The following DCLK2 variants were observed in gnomAD, a reference collection of about 807,000 sequenced individuals.
DCLK2 encodes doublecortin like kinase 2, also known as serine/threonine-protein kinase DCLK2.
DCLK2 carries 31 observed loss-of-function variants against 78.4 expected under a neutral mutation model. The observed-to-expected ratio is 0.40, with a 90% confidence interval of 0.30 to 0.53. The LOEUF (loss-of-function observed/expected upper bound fraction) is 0.53. Among genes scored for constraint, DCLK2 ranks in the 20% least tolerant of loss-of-function variants. The pLI is 0.61. For synonymous variants in DCLK2, 407 were observed against 374.9 expected (o/e 1.09, Z -0.99); for missense variants, 872 against 973.7 (o/e 0.90, Z 1.39).
At chr4:150,119,586 A>G (rs186967575) in intron 2 of DCLK2, among the ~76,000 whole-genome samples, 91 of 152,272 alleles carry the variant, frequency 6.0e-4, no homozygotes, top group African/African-American at 1.1e-3. Context: ...TGAAATTCCT[A>G]TTGTGTAAAT....
chr4:150,221,947 A>G, intron 7 of DCLK2, among the ~76,000 whole-genome samples, 162 bp downstream of exon 7: 1 of 151,592 alleles, frequency 6.6e-6, no homozygotes, highest in East Asian at 1.9e-4. Flanking sequence ...GGGACCAGCC[A>G]TTTCTTTCCT....
At chr4:150,143,034 CA>C in intron 2 of DCLK2, among the ~76,000 whole-genome samples, 1 of 152,112 alleles carries the variant, frequency 6.6e-6, no homozygotes, top group East Asian at 1.9e-4. Context: ...TATGCATATG[CA>C]GCATTTTTAT....
chr4:150,251,874 G>A (rs1744185979), intron 15 of DCLK2, among the ~76,000 whole-genome samples: 1 of 151,174 alleles, frequency 6.6e-6, no homozygotes, highest in African/African-American at 2.4e-5. Context: ...GCGTTTATGT[G>A]GCCACCCTCT....
At chr4:150,198,180 T>C in intron 4 of DCLK2, 77 bp downstream of exon 4, 1 of 1,330,484 alleles carries the variant, frequency 7.5e-7, no homozygotes, top group Non-Finnish European at 1.0e-6. Context: ...TTTTTATGAA[T>C]TAGTAGTCTT....
At chr4:150,203,635 T>C (rs2126451390) in intron 4 of DCLK2, among the ~76,000 whole-genome samples, 160 bp from the exon 5 acceptor site, 1 of 145,262 alleles carries the variant, frequency 6.9e-6, no homozygotes, top group South Asian at 2.1e-4. Context: ...TGCAGTAAGA[T>C]ACATTATTTT....
At chr4:150,177,980 G>A (rs1737210106) in intron 2 of DCLK2, among the ~76,000 whole-genome samples, 1 of 152,172 alleles carries the variant, frequency 6.6e-6, no homozygotes, top group Non-Finnish European at 1.5e-5. Context: ...ATGTATTAAA[G>A]GGATCTGAAG....
At chr4:150,236,660 A>G (rs959258490) in intron 10 of DCLK2, among the ~76,000 whole-genome samples, 1 of 152,202 alleles carries the variant, frequency 6.6e-6, no homozygotes, top group East Asian at 1.9e-4. Flanking sequence ...CTCTGTATCT[A>G]TCTAGAGAGA....
intron 2 of DCLK2, among the ~76,000 whole-genome samples, chr4:150,177,512 T>C (rs1377221907): frequency 6.6e-6 from 1 of 152,220 alleles, no homozygotes; most frequent in Non-Finnish European, 1.5e-5. Context: ...ACACATACAC[T>C]AAATTGAACA....
At chr4:150,215,525 A>G (rs769545897) in intron 5 of DCLK2, among the ~76,000 whole-genome samples, 1 of 152,184 alleles carries the variant, frequency 6.6e-6, no homozygotes, top group Non-Finnish European at 1.5e-5. Flanking sequence ...TATAAAGGAT[A>G]TTATGTTACA....
At chr4:150,138,026 C>A (rs1733820412) in intron 2 of DCLK2, among the ~76,000 whole-genome samples, 1 of 152,138 alleles carries the variant, frequency 6.6e-6, no homozygotes, top group African/African-American at 2.4e-5. Flanking sequence ...CTCGTACTTT[C>A]ATTAGGGCTA....
At chr4:150,205,878 C>G (rs923040266) in intron 5 of DCLK2, among the ~76,000 whole-genome samples, 29 of 152,220 alleles carry the variant, frequency 1.9e-4, no homozygotes, top group Non-Finnish European at 4.1e-4. Context: ...ATTCCTCCCC[C>G]AGGCCATTGC....
intron 4 of DCLK2, 114 bp downstream of exon 4, chr4:150,198,217 C>A: frequency 4.9e-6 from 4 of 819,526 alleles, no homozygotes; most frequent in Non-Finnish European, 7.2e-6. Context: ...AGCCAAGTTC[C>A]AGAAAAACAG....
In DCLK2 at chr4:150,198,028, T is replaced by C; in HGVS notation, c.886T>C (p.Ser296Pro). The C allele has an allele frequency of 6.2e-7, 1 of 1,613,702 alleles. No homozygotes were observed. The highest frequency in any genetic ancestry group is 8.5e-7 in the Non-Finnish European group (1 of 1,179,896). Residue 296 changes from serine to proline, a missense_variant, in exon 4 of 16, where the codon TCT becomes CCT. Transcript: ENST00000296550. Reference protein sequence around the residue: ...SECRVLKSSYSRSSAVKYSGS... With the variant: ...SECRVLKSSYPRSSAVKYSGS... Reference sequence around the variant, plus strand: ...ATGTCGTGTCCTGAAGTCATCTTATTCTCGATCCTCAGCTGTTAAGTATTC... The same window carrying C: ...ATGTCGTGTCCTGAAGTCATCTTATCCTCGATCCTCAGCTGTTAAGTATTC...
At position 150,110,466 on chromosome 4, in the gene DCLK2, C is replaced by CTT. The variant is rs34905138; in HGVS notation, c.756+7663_756+7664dup. On this transcript the variant is annotated intron_variant, in intron 2 of 15. Coordinates refer to ENST00000296550, the MANE Select transcript of DCLK2 (RefSeq NM_001040260.4). ...TACTATGCCAGGCATTATGTTAGTGCTTTTTTTTTTAATATGTGCATTTTT... is the reference window on the plus strand; with the variant it reads ...TACTATGCCAGGCATTATGTTAGTGCTTTTTTTTTTTTAATATGTGCATTTTT... 5.5e-3 allele frequency among the ~76,000 whole-genome samples: 818 copies of CTT among 148,744 alleles called. 5 individuals carry two copies. Among genetic ancestry groups the CTT allele is most frequent in the African/African-American group, 0.019 (773 of 40,528 alleles).
chr4:150,136,979 C>CTTTTTTTTTTTTTTTT (rs35729685), intron 2 of DCLK2, among the ~76,000 whole-genome samples: 8 of 82,406 alleles, frequency 9.7e-5, no homozygotes, highest in African/African-American at 1.4e-4. Context: ...TCTTCTTCTT[C>CTTTTTTTTTTTTTTTT]TTTTTTTTTT....
At chr4:150,228,471 T>C (rs1192552252) in intron 8 of DCLK2, among the ~76,000 whole-genome samples, 2 of 152,190 alleles carry the variant, frequency 1.3e-5, no homozygotes, top group Non-Finnish European at 2.9e-5. Context: ...TACTGTTTGT[T>C]AGTAACTGTG....
rs1341964190 is a variant in DCLK2 at position 150,195,342 on chromosome 4, AT to A, written c.859+2103del. On this transcript the variant is annotated intron_variant, in intron 3 of 15. Transcript: ENST00000296550. ...TTATATTATATATTATATATATTAT[AT>A]AATATTATATATTATATATATTATA... Among the ~76,000 whole-genome samples, 14 of 11,046 alleles carry A rather than the reference AT, an allele frequency of 1.3e-3. 7 individuals carry two copies. The highest frequency in any genetic ancestry group is 2.3e-3 in the Non-Finnish European group (14 of 6,078). 7.2% of individuals were successfully genotyped at this position (11,046 alleles called of 152,430 possible).
intron 2 of DCLK2, among the ~76,000 whole-genome samples, chr4:150,162,750 C>T (rs1438760786): frequency 6.6e-6 from 1 of 152,134 alleles, no homozygotes; most frequent in Non-Finnish European, 1.5e-5. Context: ...GGATTTTAGG[C>T]ATGAGCACTG....
intron 2 of DCLK2, among the ~76,000 whole-genome samples, chr4:150,110,431 AC>A (rs762780533): frequency 1.3e-5 from 2 of 152,094 alleles, no homozygotes; most frequent in Non-Finnish European, 2.9e-5. Context: ...ATAGATAACA[AC>A]TAATAGCTTA....
Sources: allele counts gnomAD v4.1 joint callset (sites outside exome capture counted in the v4.1 genomes callset), GRCh38; gene constraint gnomAD v4.1.1; transcripts MANE v1.5; gene names NCBI Gene and HGNC (gene_info 2026-07-23, HGNC 2026-07-21).